Variants in MYOF observed in about 807,000 individuals in gnomAD.
MYOF encodes the protein fer-1-like 3, myoferlin.
In MYOF, 244 loss-of-function variants were observed where a neutral mutation model predicts 284.2. That is an observed-to-expected ratio of 0.86 (90% confidence interval 0.77 to 0.95). MYOF has a LOEUF of 0.95. Among genes scored for constraint, MYOF ranks in the 40% least tolerant of loss-of-function variants. MYOF has a pLI of 0.00. For synonymous variants in MYOF, 904 were observed against 919.7 expected (o/e 0.98, Z 0.31); for missense variants, 2,496 against 2,560.6 (o/e 0.97, Z 0.54).
intron 7 of MYOF, among the ~76,000 whole-genome samples, chr10:93,406,698 G>A (rs1746489): frequency 0.19 from 28,401 of 151,740 alleles, 3,260 homozygotes; most frequent in African/African-American, 0.33. Context: ...GCCTGCTGTC[G>A]TCTGCGATTC....
In MYOF at chr10:93,361,554, C is replaced by T. The variant is rs200007562; in HGVS notation, c.2872G>A (p.Gly958Ser). The change falls in exon 28 of 54, where the codon GGC (glycine) becomes AGC (serine). Residue 958 changes from glycine to serine, a missense_variant. Transcript: ENST00000359263. ...PAEDTYTDAN[G>S]DKAASPSELT... The stretch of plus-strand genomic sequence containing the variant: ...TCGCTGGGTGATGCTGCTTTATCGC[C>T]GTTCTTACAAAACAAAAATAAAAAC... 411 of 1,613,950 alleles carry T rather than the reference C, an allele frequency of 2.5e-4. No homozygotes were observed. The highest frequency in any genetic ancestry group is 3.3e-4 in the Non-Finnish European group (393 of 1,179,988).
intron 49 of MYOF, among the ~76,000 whole-genome samples, chr10:93,319,441 T>C (rs1232137205): frequency 6.6e-6 from 1 of 152,170 alleles, no homozygotes; most frequent in Non-Finnish European, 1.5e-5. Context: ...TGAGCCCTCA[T>C]GGCAGTGCCT....
At chr10:93,423,705 C>A (rs745742430) in intron 5 of MYOF, among the ~76,000 whole-genome samples, 6 of 151,292 alleles carry the variant, frequency 4.0e-5, no homozygotes, top group Non-Finnish European at 8.8e-5. Context: ...TGGTGGCGGG[C>A]GCCTATAGTC....
intron 39 of MYOF, 56 bp from the exon 40 acceptor site, chr10:93,337,969 T>C: frequency 1.7e-6 from 2 of 1,207,882 alleles, no homozygotes; most frequent in Non-Finnish European, 2.5e-6. Context: ...TTCCAATCGA[T>C]GCAGGAAAAT....
intron 3 of MYOF, among the ~76,000 whole-genome samples, chr10:93,446,026 T>C (rs1444431654): frequency 6.6e-6 from 1 of 151,982 alleles, no homozygotes. Flanking sequence ...AAAAAGTTTG[T>C]TTCTGAAATG....
At chr10:93,332,674 T>C (rs969760994) in intron 43 of MYOF, among the ~76,000 whole-genome samples, 5 of 151,790 alleles carry the variant, frequency 3.3e-5, no homozygotes, top group African/African-American at 1.2e-4. Flanking sequence ...TGAAACCCCG[T>C]CTCTACTAAA....
intron 38 of MYOF, chr10:93,341,886 C>T: frequency 7.8e-7 from 1 of 1,286,568 alleles, no homozygotes; most frequent in South Asian, 1.2e-5. Context: ...TCCCAGGCAG[C>T]CTCATGCATT....
At chr10:93,457,721 G>A (rs1244629191) in intron 1 of MYOF, among the ~76,000 whole-genome samples, 1 of 145,384 alleles carries the variant, frequency 6.9e-6, no homozygotes, top group Non-Finnish European at 1.5e-5. Context: ...TGCTTTGTCA[G>A]CATTATCTCA....
intron 15 of MYOF, 121 bp from the exon 16 acceptor site, chr10:93,396,345 GA>G: frequency 1.5e-6 from 1 of 672,126 alleles, no homozygotes; most frequent in Non-Finnish European, 2.4e-6. Flanking sequence ...CCAGACTTCA[GA>G]AATAATCACG....
At chr10:93,450,899 T>C (rs897181349) in intron 3 of MYOF, among the ~76,000 whole-genome samples, 2 of 152,160 alleles carry the variant, frequency 1.3e-5, no homozygotes, top group Non-Finnish European at 2.9e-5. Context: ...TTATAAACAA[T>C]AACATCTTGA....
chr10:93,443,207 T>C (rs1032235517), intron 3 of MYOF, among the ~76,000 whole-genome samples: 7 of 152,204 alleles, frequency 4.6e-5, no homozygotes, highest in Admixed American at 3.9e-4. Flanking sequence ...TTACTGTCCA[T>C]GTCTACTGAT....
chr10:93,377,477 C>A lies in MYOF; in HGVS notation c.2002-48G>T, dbSNP rs1288864763. Reference sequence around the variant, plus strand: ...AAATAATTGATAATTGTTCATTATGCCATTATACCTTTTCATATAGTTTAA... The same window carrying A: ...AAATAATTGATAATTGTTCATTATGACATTATACCTTTTCATATAGTTTAA... On this transcript the variant is annotated intron_variant, in intron 21 of 53. Coordinates refer to ENST00000359263, the MANE Select transcript of MYOF (RefSeq NM_013451.4). 2.3e-6 allele frequency: 3 copies of A among 1,301,180 alleles called. No individual in the cohort carries two copies. In the Admixed American group the frequency reaches 5.3e-5, roughly 23 times the overall value. 80.6% of individuals were successfully genotyped at this position (1,301,180 alleles called of 1,614,324 possible). A position where few individuals can be genotyped will look rare whatever the true frequency, so the allele number is the denominator to read the frequency against.
intron 36 of MYOF, 118 bp from the exon 37 acceptor site, chr10:93,347,900 T>A: frequency 1.0e-6 from 1 of 999,486 alleles, no homozygotes; most frequent in Non-Finnish European, 1.4e-6. Flanking sequence ...GGACTCGCAA[T>A]AGTTCAGTTA....
intron 20 of MYOF, among the ~76,000 whole-genome samples, 188 bp from the exon 21 acceptor site, chr10:93,380,175 T>C (rs1659049346): frequency 6.6e-6 from 1 of 152,190 alleles, no homozygotes; most frequent in Non-Finnish European, 1.5e-5. Context: ...ATTCAGGCTG[T>C]TCTGAAATTT....
At chr10:93,333,041 T>G (rs974835800) in intron 43 of MYOF, among the ~76,000 whole-genome samples, 180 bp downstream of exon 43, 4 of 152,178 alleles carry the variant, frequency 2.6e-5, no homozygotes, top group African/African-American at 9.7e-5. Context: ...GCTTCTTCAC[T>G]TCTGTGAAGT....
chr10:93,454,544 G>A (rs1041490485), intron 2 of MYOF, among the ~76,000 whole-genome samples: 1 of 152,110 alleles, frequency 6.6e-6, no homozygotes, highest in Admixed American at 6.5e-5. Flanking sequence ...CAGGTGCTAG[G>A]AATCCACAAT....
At chr10:93,380,140 A>G (rs1846046599) in intron 20 of MYOF, among the ~76,000 whole-genome samples, 153 bp from the exon 21 acceptor site, 1 of 152,186 alleles carries the variant, frequency 6.6e-6, no homozygotes, top group African/African-American at 2.4e-5. Flanking sequence ...CAATTAAGCA[A>G]CTGAAGACTA....
intron 2 of MYOF, among the ~76,000 whole-genome samples, chr10:93,453,022 TG>T (rs2056639501): frequency 6.6e-6 from 1 of 152,136 alleles, no homozygotes; most frequent in Admixed American, 6.6e-5. Flanking sequence ...AATTAAATGA[TG>T]ACTTGATCCT....
chr10:93,442,840 C>T (rs2056309338), intron 3 of MYOF, among the ~76,000 whole-genome samples: 1 of 152,088 alleles, frequency 6.6e-6, no homozygotes, highest in Non-Finnish European at 1.5e-5. Context: ...AGCAATTCTC[C>T]ACCTTCTTGA....
Sources: gnomAD v4.1 joint callset for allele counts (sites outside exome capture counted in the v4.1 genomes callset) on GRCh38, gnomAD v4.1.1 for gene constraint, MANE v1.5 for transcripts, NCBI Gene and HGNC (gene_info 2026-07-23, HGNC 2026-07-21) for gene names.